The following MEAF6 variants were observed in gnomAD, a reference collection of about 807,000 sequenced individuals.
MEAF6 encodes the protein MYST/Esa1 associated factor 6.
MEAF6 carries 15 observed loss-of-function variants against 28.9 expected under a neutral mutation model. The ratio of observed to expected loss-of-function variants is 0.52; its 90% CI spans 0.35 to 0.80. The LOEUF is 0.80. Among genes scored for constraint, MEAF6 ranks in the 30% least tolerant of loss-of-function variants. MEAF6 has a pLI of 0.01. For missense variants in MEAF6, 178 were observed against 237.5 expected, an observed-to-expected ratio of 0.75 and a Z score of 1.65; for synonymous variants, 97 against 88.7, an observed-to-expected ratio of 1.09 and a Z score of -0.53.
In MEAF6 at chr1:37,493,479, A is replaced by G; in HGVS notation, c.*620T>C. The G allele has an allele frequency of 2.3e-6, 1 of 434,728 alleles. No homozygotes were observed. The highest frequency in any genetic ancestry group is 4.0e-6 in the Non-Finnish European group (1 of 247,856). 26.9% of individuals were successfully genotyped at this position (434,728 alleles called of 1,614,324 possible). A position where few individuals can be genotyped will look rare whatever the true frequency, so the allele number is the denominator to read the frequency against. On this transcript the variant is annotated 3_prime_UTR_variant, in exon 7 of 7. Transcript: ENST00000296214. ...TAAACACTCTTTACCTCCCCTTGCAAAAAACAGAGGCAAGTTTCCCATTTT... is the reference window on the plus strand; with the variant it reads ...TAAACACTCTTTACCTCCCCTTGCAGAAAACAGAGGCAAGTTTCCCATTTT...
Position 37,492,835 on chromosome 1 carries a change from T to C in MEAF6, c.*1264A>G, listed in dbSNP as rs1373683057. The C allele has an allele frequency of 6.6e-6, 1 of 152,354 alleles. No individual in the cohort carries two copies. Among genetic ancestry groups the C allele is most frequent in the Non-Finnish European group, 1.5e-5 (1 of 68,036 alleles). The allele number at this position is 152,354 out of a possible 1,614,324, so 9.4% of individuals were successfully genotyped here. ...TAAATTAAACCATTCAGTCTTCTAATGTAGTGGTTCTCAACCTGGCTTCTT... is the reference window on the plus strand; with the variant it reads ...TAAATTAAACCATTCAGTCTTCTAACGTAGTGGTTCTCAACCTGGCTTCTT... On this transcript the variant is annotated 3_prime_UTR_variant, in exon 7 of 7. Transcript: ENST00000296214.
At chr1:37,508,187 T>C (rs1642547933) in intron 4 of MEAF6, among the ~76,000 whole-genome samples, 1 of 151,550 alleles carries the variant, frequency 6.6e-6, no homozygotes, top group African/African-American at 2.4e-5. Context: ...AAAAATAAGA[T>C]ATAATTCGTT....
chr1:37,502,567 G>T (rs67304428), intron 4 of MEAF6, among the ~76,000 whole-genome samples: 12,986 of 61,160 alleles, frequency 0.21, 677 homozygotes, highest in Non-Finnish European at 0.24. Flanking sequence ...TTTTTTTTTT[G>T]TTTGTTTGTT....
At chr1:37,508,246 G>C (rs1016173007) in intron 4 of MEAF6, among the ~76,000 whole-genome samples, 1 of 145,122 alleles carries the variant, frequency 6.9e-6, no homozygotes, top group Non-Finnish European at 1.5e-5. Flanking sequence ...GAACATACAG[G>C]TACATCCTAT....
chr1:37,495,445 G>A (rs1262957830), intron 6 of MEAF6, among the ~76,000 whole-genome samples: 1 of 151,436 alleles, frequency 6.6e-6, no homozygotes, highest in Admixed American at 6.6e-5. Flanking sequence ...GCTCACACCT[G>A]TAATCCCAAC....
chr1:37,494,597 C>T (rs1205013879), intron 6 of MEAF6, among the ~76,000 whole-genome samples: 3 of 151,190 alleles, frequency 2.0e-5, no homozygotes, highest in Non-Finnish European at 4.4e-5. Flanking sequence ...TAGGGAGGCC[C>T]AGGCGGGCAG....
rs1336164892 is a variant in MEAF6 at position 37,491,726 on chromosome 1, A to T, written c.*2373T>A. 1.3e-5 allele frequency among the ~76,000 whole-genome samples: 2 copies of T among 150,846 alleles called. No homozygotes were observed. The highest frequency in any genetic ancestry group is 3.9e-4 in the East Asian group (2 of 5,148). Reference sequence around the variant, plus strand: ...AATAAATAAATAAATAAATAAATAAATAAAATATATAAATACTTAAATAAT... The same window carrying T: ...AATAAATAAATAAATAAATAAATAATTAAAATATATAAATACTTAAATAAT... On this transcript the variant is annotated 3_prime_UTR_variant, in exon 7 of 7. Transcript: ENST00000296214.
In MEAF6 at chr1:37,490,551, G is replaced by A. The variant is rs1174198995; in HGVS notation, c.*3548C>T. On this transcript the variant is annotated 3_prime_UTR_variant, in exon 7 of 7. Transcript: ENST00000296214. ...AGGCTTCAGATGTCAATTTTCTGTT[G>A]GAGACAGCGTCTTGCTACGTTACTC... 6.6e-6 allele frequency among the ~76,000 whole-genome samples: 1 copy of A among 152,078 alleles called. No homozygotes were observed. The highest frequency in any genetic ancestry group is 1.5e-5 in the Non-Finnish European group (1 of 68,018).
At chr1:37,499,164 A>AT (rs1642215413) in intron 5 of MEAF6, among the ~76,000 whole-genome samples, 1 of 151,790 alleles carries the variant, frequency 6.6e-6, no homozygotes, top group Non-Finnish European at 1.5e-5. Flanking sequence ...AAAAAAAAAA[A>AT]TTTCATATTC....
chr1:37,513,914 G>T (rs1243192460), intron 1 of MEAF6: 1 of 260,710 alleles, frequency 3.8e-6, no homozygotes, highest in South Asian at 1.2e-4. Context: ...CAGCCTTTCA[G>T]CGTCAACTCG....
chr1:37,506,408 C>T (rs1642484159), intron 4 of MEAF6, among the ~76,000 whole-genome samples: 1 of 152,154 alleles, frequency 6.6e-6, no homozygotes, highest in African/African-American at 2.4e-5. Context: ...TAGGGTCTTA[C>T]TGTCGCCCAG....
chr1:37,505,967 T>C (rs1642467407), intron 4 of MEAF6, among the ~76,000 whole-genome samples: 1 of 152,240 alleles, frequency 6.6e-6, no homozygotes, highest in East Asian at 1.9e-4. Flanking sequence ...ATGTAAGAGC[T>C]AAAACTAAAA....
chr1:37,491,929 T>G lies in MEAF6; in HGVS notation c.*2170A>C, dbSNP rs1452540564. Among the ~76,000 whole-genome samples, 2 of 150,488 alleles carry G rather than the reference T, an allele frequency of 1.3e-5. No individual in the cohort carries two copies. Among genetic ancestry groups the G allele is most frequent in the African/African-American group, 4.9e-5 (2 of 41,234 alleles). On this transcript the variant is annotated 3_prime_UTR_variant, in exon 7 of 7. Coordinates refer to ENST00000296214, the MANE Select transcript of MEAF6 (RefSeq NM_001270875.3). The stretch of plus-strand genomic sequence containing the variant: ...TACTATTCTTTCTTTTTTTTTTTTT[T>G]TTTGACAGAGTCTCGCTCTGTCGCC...
intron 2 of MEAF6, 30 bp from the exon 3 acceptor site, chr1:37,509,572 A>G (rs746646857): frequency 2.5e-6 from 4 of 1,588,066 alleles, no homozygotes; most frequent in African/African-American, 2.7e-5. Flanking sequence ...CATTATGAGC[A>G]CCAAGCTATG....
At chr1:37,510,628 C>G (rs1219557772) in intron 2 of MEAF6, among the ~76,000 whole-genome samples, 6 of 152,156 alleles carry the variant, frequency 3.9e-5, no homozygotes, top group Non-Finnish European at 8.8e-5. Context: ...GTGATACACT[C>G]ACCTTGGCCT....
intron 5 of MEAF6, 121 bp downstream of exon 5, chr1:37,501,683 T>C (rs1010273894): frequency 2.0e-6 from 2 of 1,013,392 alleles, no homozygotes; most frequent in South Asian, 2.5e-5. Flanking sequence ...TTGGACCTAA[T>C]GACTTTCTTG....
chr1:37,498,406 TTTTTTATTA>T (rs1047045161), intron 5 of MEAF6, among the ~76,000 whole-genome samples: 22 of 136,258 alleles, frequency 1.6e-4, no homozygotes, highest in East Asian at 4.0e-4. Flanking sequence ...AGCTATGTTA[TTTTTTATTA>T]TTATTATTAT....
chr1:37,508,927 T>C (rs559538537), intron 4 of MEAF6, among the ~76,000 whole-genome samples: 1 of 152,318 alleles, frequency 6.6e-6, no homozygotes, highest in African/African-American at 2.4e-5. Flanking sequence ...TGAGACTCTG[T>C]CTCTTTAAAA....
Position 37,514,697 on chromosome 1 carries a change from C to T in MEAF6, c.50G>A (p.Arg17Gln). ...AAPPQIPDTR[R>Q]ELAELVKRKQ... ...CCGCTTCACGAGCTCCGCCAGCTCC[C>T]GCCGGGTGTCCGGGATCTGCGGCGG... Residue 17 changes from arginine (R) to glutamine (Q), a missense_variant, in exon 1 of 7, where the codon CGG becomes CAG. Coordinates refer to ENST00000296214, the MANE Select transcript of MEAF6 (RefSeq NM_001270875.3). 1 of 1,542,884 alleles carries T rather than the reference C, an allele frequency of 6.5e-7. No homozygotes were observed. The highest frequency in any genetic ancestry group is 8.7e-7 in the Non-Finnish European group (1 of 1,149,240).
Sources: gnomAD v4.1 joint callset for allele counts (sites outside exome capture counted in the v4.1 genomes callset) on GRCh38, gnomAD v4.1.1 for gene constraint, MANE v1.5 for transcripts, NCBI Gene and HGNC (gene_info 2026-07-23, HGNC 2026-07-21) for gene names.